The following FAM13B variants were observed in gnomAD, a reference collection of about 807,000 sequenced individuals.
FAM13B encodes the protein protein FAM13B.
FAM13B carries 60 observed loss-of-function variants against 117.3 expected under a neutral mutation model. That is an observed-to-expected ratio of 0.51 (90% CI 0.42 to 0.63). The LOEUF (loss-of-function observed/expected upper bound fraction) is 0.63. Among genes scored for constraint, FAM13B ranks in the 30% least tolerant of loss-of-function variants. The pLI is 0.00. For synonymous variants in FAM13B, 332 were observed against 356.1 expected (o/e 0.93, Z 0.76); for missense variants, 972 against 1,091.9 (o/e 0.89, Z 1.55).
At chr5:138,029,740 T>C (rs754170422) in intron 1 of FAM13B, among the ~76,000 whole-genome samples, 1 of 152,258 alleles carries the variant, frequency 6.6e-6, no homozygotes, top group Non-Finnish European at 1.5e-5. Flanking sequence ...TTCAGTTTTA[T>C]TTTTACTTTT....
chr5:137,990,227 T>C (rs1778276671), intron 7 of FAM13B, among the ~76,000 whole-genome samples: 1 of 152,236 alleles, frequency 6.6e-6, no homozygotes, highest in South Asian at 2.1e-4. Context: ...AGATAATTCC[T>C]TGCCTATCGA....
At chr5:137,983,176 T>TAAAAAAAAAAAAAAAAA (rs56880991) in intron 10 of FAM13B, among the ~76,000 whole-genome samples, 1 of 75,098 alleles carries the variant, frequency 1.3e-5, no homozygotes, top group African/African-American at 5.7e-5. Context: ...CCAGTGTAGG[T>TAAAAAAAAAAAAAAAAA]AAAAAAAAAA....
intron 7 of FAM13B, among the ~76,000 whole-genome samples, chr5:137,997,474 A>AATAT (rs376080066): frequency 6.7e-6 from 1 of 149,834 alleles, no homozygotes; most frequent in Non-Finnish European, 1.5e-5. Context: ...CATCTCAAAA[A>AATAT]ATATATATAT....
At position 137,970,379 on chromosome 5, in the gene FAM13B, G is replaced by A. The variant is rs573575909; in HGVS notation, c.1180-7910C>T. Among the ~76,000 whole-genome samples the A allele has an allele frequency of 2.2e-3, 337 of 151,992 alleles. 1 individual carries two copies. The highest frequency in any genetic ancestry group is 6.8e-3 in the Middle Eastern group (2 of 294). On this transcript the variant is annotated intron_variant, in intron 10 of 23. Coordinates refer to ENST00000689681, the MANE Select transcript of FAM13B (RefSeq NM_001385994.1). Reference sequence around the variant, plus strand: ...CAAACTAAGCTTCATAAGTGAAGGAGAAATAAAATACTTTACAGACAAGCA... The same window carrying A: ...CAAACTAAGCTTCATAAGTGAAGGAAAAATAAAATACTTTACAGACAAGCA...
intron 6 of FAM13B, 107 bp downstream of exon 6, chr5:138,010,901 G>T (rs1048950948): frequency 8.7e-7 from 1 of 1,147,676 alleles, no homozygotes; most frequent in Non-Finnish European, 1.1e-6. Context: ...ATTACTTCCA[G>T]GTCAGATTTA....
chr5:137,946,794 G>A (rs1316130037), intron 18 of FAM13B, among the ~76,000 whole-genome samples: 1 of 152,198 alleles, frequency 6.6e-6, no homozygotes. Context: ...GGGCATGCAT[G>A]CGCATGTGCA....
chr5:137,992,966 G>T (rs1325776055), intron 7 of FAM13B, among the ~76,000 whole-genome samples: 1 of 148,050 alleles, frequency 6.8e-6, no homozygotes, highest in Non-Finnish European at 1.5e-5. Flanking sequence ...ACAGCAAAAT[G>T]GATAATTGTG....
chr5:137,944,987 T>C (rs1414249680), intron 20 of FAM13B, among the ~76,000 whole-genome samples: 5 of 151,648 alleles, frequency 3.3e-5, no homozygotes, highest in Non-Finnish European at 2.9e-5. Flanking sequence ...GAATGAAAAA[T>C]GTTGTGCACT....
chr5:137,996,361 G>C (rs1054792951), intron 7 of FAM13B, among the ~76,000 whole-genome samples: 2 of 151,844 alleles, frequency 1.3e-5, no homozygotes, highest in Non-Finnish European at 2.9e-5. Context: ...GGATGGTCTC[G>C]ATCTCCTGAC....
chr5:137,988,249 T>G, intron 8 of FAM13B, 25 bp downstream of exon 8: 2 of 1,506,544 alleles, frequency 1.3e-6, no homozygotes, highest in Non-Finnish European at 1.8e-6. Flanking sequence ...CTTAAAAATT[T>G]GTCTTCTATA....
chr5:138,024,812 C>CAG (rs4033316), intron 1 of FAM13B, among the ~76,000 whole-genome samples: 41 of 144,362 alleles, frequency 2.8e-4, no homozygotes, highest in African/African-American at 9.7e-4. Context: ...CACACACACA[C>CAG]AGAGAGAGAG....
In FAM13B at chr5:138,006,169, T is replaced by C. The variant is rs554030045; in HGVS notation, c.848+821A>G. The stretch of plus-strand genomic sequence containing the variant: ...GTCTCGGCCTCCCAAAGTGCTGAGA[T>C]TACAGGCGTCAGCCACCGCGCCCGG... On this transcript the variant is annotated intron_variant, in intron 7 of 23. Transcript: ENST00000689681. Among the ~76,000 whole-genome samples the C allele has an allele frequency of 6.6e-5, 10 of 152,264 alleles. No homozygotes were observed. In the East Asian group the frequency reaches 1.9e-3, roughly 29 times the overall value.
In FAM13B at chr5:138,018,967, T is replaced by A; in HGVS notation, c.145A>T (p.Ile49Phe). The change falls in exon 3 of 24, where the codon ATT becomes TTT. Residue 49 changes from isoleucine to phenylalanine, a missense_variant. Physicochemically the swap from Ile to Phe is conservative, Grantham distance 21. Coordinates refer to ENST00000689681, the MANE Select transcript of FAM13B (RefSeq NM_001385994.1). ...AGGAAATGTATACCATGTTCCTCAA[T>A]ATAGTCCACAACGTGGCGGACTATG... is the stretch of plus-strand genomic sequence containing the variant. ...PFIVRHVVDYIEEHGGLEQQG... is the reference protein window; with the variant it reads ...PFIVRHVVDYFEEHGGLEQQG... 6.2e-7 allele frequency: 1 copy of A among 1,613,624 alleles called. No homozygotes were observed. Among genetic ancestry groups the A allele is most frequent in the Non-Finnish European group, 8.5e-7 (1 of 1,179,552 alleles).
chr5:137,985,193 C>A, intron 10 of FAM13B, 64 bp downstream of exon 10: 1 of 1,508,096 alleles, frequency 6.6e-7, no homozygotes, highest in Non-Finnish European at 9.0e-7. Flanking sequence ...TAACTTCTGG[C>A]ATCAAAGAAA....
intron 10 of FAM13B, among the ~76,000 whole-genome samples, chr5:137,972,110 T>C (rs879772411): frequency 2.0e-5 from 3 of 149,232 alleles, no homozygotes; most frequent in Non-Finnish European, 4.5e-5. Flanking sequence ...TAACTCATTT[T>C]ATGAGGCCAG....
chr5:138,036,076 C>T (rs1426408612), upstream of FAM13B: 2 of 290,704 alleles, frequency 6.9e-6, no homozygotes, highest in Non-Finnish European at 1.4e-5. Context: ...TCACACTCGT[C>T]CATTTGCAAG....
intron 9 of FAM13B, 74 bp downstream of exon 9, chr5:137,987,383 TGTTA>T: frequency 7.9e-7 from 1 of 1,270,684 alleles, no homozygotes; most frequent in South Asian, 1.6e-5. Flanking sequence ...GATGAGATCC[TGTTA>T]TTTAAGTAGC....
intron 10 of FAM13B, among the ~76,000 whole-genome samples, chr5:137,966,718 C>A (rs1770081011): frequency 6.6e-6 from 1 of 151,986 alleles, no homozygotes. Context: ...TGGCCAAAAT[C>A]CAAAACACTA....
intron 7 of FAM13B, among the ~76,000 whole-genome samples, chr5:138,000,077 A>T (rs1780829782): frequency 2.0e-5 from 3 of 152,236 alleles, no homozygotes; most frequent in South Asian, 2.1e-4. Flanking sequence ...CTTTTCATTT[A>T]AAAAAAATTA....
Sources: allele counts gnomAD v4.1 joint callset (sites outside exome capture counted in the v4.1 genomes callset), GRCh38; gene constraint gnomAD v4.1.1; transcripts MANE v1.5; gene names NCBI Gene and HGNC (gene_info 2026-07-23, HGNC 2026-07-21).